Variants in LDLRAD2 observed in about 807,000 individuals in gnomAD.
LDLRAD2 encodes the protein low-density lipoprotein receptor class A domain-containing protein 2.
A neutral mutation model predicts 24.9 loss-of-function variants in LDLRAD2; 25 were observed. The observed-to-expected ratio is 1.00, with a 90% CI of 0.73 to 1.40. LDLRAD2 has a LOEUF of 1.40. Among genes scored for constraint, LDLRAD2 ranks in the 40% most tolerant of loss-of-function variants. LDLRAD2 has a pLI of 0.00. For synonymous variants in LDLRAD2, 182 were observed against 166.7 expected (o/e 1.09, Z -0.71); for missense variants, 391 against 366.2 (o/e 1.07, Z -0.55).
At position 21,825,018 on chromosome 1, in the gene LDLRAD2, A is replaced by G; in HGVS notation, c.*2803A>G. On this transcript the variant is annotated 3_prime_UTR_variant, in exon 5 of 5. Transcript: ENST00000344642. ...GAAATTGAGCAGTTCTTTCAATGAG[A>G]TGTAGGCAAGAAACCAAAGTAGCAG... 1 of 561,408 alleles carries G rather than the reference A, an allele frequency of 1.8e-6. No homozygotes were observed. Among genetic ancestry groups the G allele is most frequent in the Non-Finnish European group, 3.2e-6 (1 of 309,864 alleles). The allele number at this position is 561,408 out of a possible 1,614,324, so 34.8% of individuals were successfully genotyped here.
At position 21,821,602 on chromosome 1, in the gene LDLRAD2, G is replaced by C; in HGVS notation, c.796G>C (p.Ala266Pro). Residue 266 changes from alanine (A) to proline (P), a missense_variant, in exon 4 of 5, where the codon GCT (alanine) becomes CCT (proline). Ala to Pro is a conservative substitution (Grantham distance 27). Coordinates refer to ENST00000344642, the MANE Select transcript of LDLRAD2 (RefSeq NM_001013693.3). ...AGRDPTRQDAALEGSTE is the reference protein window; with the variant it reads ...AGRDPTRQDAPLEGSTE ...CAGGGACCCCACGAGACAAGACGCA[G>C]CTTTGGAAGGTTACACCTTGCTCCT... 6.2e-7 allele frequency: 1 copy of C among 1,613,876 alleles called. No individual in the cohort carries two copies. The highest frequency in any genetic ancestry group is 8.5e-7 in the Non-Finnish European group (1 of 1,179,892).
rs748979534 is a variant in LDLRAD2, at chr1:21,814,631, T to C, written c.319T>C (p.Cys107Arg). 3 of 1,606,546 alleles carry C rather than the reference T, an allele frequency of 1.9e-6. No homozygotes were observed. The African/African-American group carries it at 4.0e-5, about 22-fold the overall frequency. ...CTCCTCCCCGGCCCCGGCCGACCCG[T>C]GCGCCCCCGGCTCCTACCTGCAGTT... ...NTSSPAPADP[C>R]APGSYLQFYE... is the part of the protein sequence containing the mutation. Residue 107 changes from cysteine (C) to arginine (R), a missense_variant, in exon 2 of 5, where the codon TGC (cysteine) becomes CGC (arginine). Coordinates refer to ENST00000344642, the MANE Select transcript of LDLRAD2 (RefSeq NM_001013693.3).
At position 21,812,597 on chromosome 1, in the gene LDLRAD2, G is replaced by T; in HGVS notation, c.85+61G>T. The T allele has an allele frequency of 2.9e-6, 4 of 1,392,610 alleles. No homozygotes were observed. The South Asian group carries it at 3.6e-5, about 12-fold the overall frequency. The allele number at this position is 1,392,610 out of a possible 1,614,324, so 86.3% of individuals were successfully genotyped here. A position where few individuals can be genotyped will look rare whatever the true frequency, so the allele number is the denominator to read the frequency against. On this transcript the variant is annotated intron_variant, in intron 1 of 4. Coordinates refer to ENST00000344642, the MANE Select transcript of LDLRAD2 (RefSeq NM_001013693.3). ...GACTTGGGCCCCCACCATCCTTAGA[G>T]ACTATGTTTCCCCAGTCAGCACTCA...
chr1:21,817,434 C>T (rs1187892910), intron 3 of LDLRAD2, among the ~76,000 whole-genome samples: 2 of 152,140 alleles, frequency 1.3e-5, no homozygotes, highest in African/African-American at 2.4e-5. Flanking sequence ...CCTCTGCTTC[C>T]TGGGCTCAGG....
At chr1:21,820,795 T>C (rs1195228781) in intron 3 of LDLRAD2, among the ~76,000 whole-genome samples, 1 of 152,226 alleles carries the variant, frequency 6.6e-6, no homozygotes, top group Non-Finnish European at 1.5e-5. Context: ...TATGCCTCAG[T>C]TTCCTTATCT....
Position 21,822,496 on chromosome 1 carries a change from G to C in LDLRAD2, c.*281G>C, listed in dbSNP as rs1452239210. 2 of 432,178 alleles carry C rather than the reference G, an allele frequency of 4.6e-6. No homozygotes were observed. The highest frequency in any genetic ancestry group is 4.0e-5 in the African/African-American group (2 of 49,662). 26.8% of individuals were successfully genotyped at this position (432,178 alleles called of 1,614,324 possible). A position where few individuals can be genotyped will look rare whatever the true frequency, so the allele number is the denominator to read the frequency against. On this transcript the variant is annotated 3_prime_UTR_variant, in exon 5 of 5. Transcript: ENST00000344642. ...TCCTGAGCACCAGCGGCATCCGTCCGTCCGTTGTCTGTTGGAGGAGTCCCT... is the reference window on the plus strand; with the variant it reads ...TCCTGAGCACCAGCGGCATCCGTCCCTCCGTTGTCTGTTGGAGGAGTCCCT...
At chr1:21,814,942 C>G in intron 2 of LDLRAD2, 119 bp downstream of exon 2, 3 of 984,578 alleles carry the variant, frequency 3.0e-6, no homozygotes, top group Non-Finnish European at 2.7e-6. Flanking sequence ...GTGCCCGAAG[C>G]ACAAGATGGC....
At chr1:21,821,647 T>C in intron 4 of LDLRAD2, 36 bp downstream of exon 4, 1 of 1,607,144 alleles carries the variant, frequency 6.2e-7, no homozygotes, top group Non-Finnish European at 8.5e-7. Context: ...ACCAAAATCA[T>C]ACCTGTCCCT....
rs573263930 is a variant in LDLRAD2, at chr1:21,812,849, G to A, written c.85+313G>A. On this transcript the variant is annotated intron_variant, in intron 1 of 4. Transcript: ENST00000344642. ...ATTTACACACTCTGCCACTTCTTAT[G>A]TTTGTACCTTTGAGATCATTGTTTC... Among the ~76,000 whole-genome samples the A allele has an allele frequency of 9.3e-4, 141 of 152,216 alleles. 2 individuals are homozygous for A. Among genetic ancestry groups the A allele is most frequent in the African/African-American group, 3.1e-3 (129 of 41,574 alleles).
At chr1:21,821,273 G>GT (rs1349416243) in intron 3 of LDLRAD2, among the ~76,000 whole-genome samples, 177 bp from the exon 4 acceptor site, 1 of 152,198 alleles carries the variant, frequency 6.6e-6, no homozygotes, top group Non-Finnish European at 1.5e-5. Context: ...GCCAGACCAT[G>GT]TGAGTTCAAG....
At chr1:21,817,187 C>T (rs954909603) in intron 3 of LDLRAD2, among the ~76,000 whole-genome samples, 2 of 152,198 alleles carry the variant, frequency 1.3e-5, no homozygotes, top group Non-Finnish European at 2.9e-5. Flanking sequence ...CACACCTGCT[C>T]TGCCATCACC....
Position 21,821,469 on chromosome 1 carries a change from C to A in LDLRAD2, c.663C>A (p.Ser221Arg). 2 of 1,614,130 alleles carry A rather than the reference C, an allele frequency of 1.2e-6. No homozygotes were observed. Among genetic ancestry groups the A allele is most frequent in the Non-Finnish European group, 1.7e-6 (2 of 1,180,010 alleles). The stretch of plus-strand genomic sequence containing the variant: ...ATGCAGGTCCCTCTCCGGTGCCCAG[C>A]CAGACAGGAAGTACAGATGCCCATA... ...ADCRGPSPVPSQTGSTDAHTS... is the reference protein window; with the variant it reads ...ADCRGPSPVPRQTGSTDAHTS... Residue 221 changes from serine to arginine, a missense_variant, in exon 4 of 5, where the codon AGC becomes AGA. Ser to Arg is a moderately radical substitution (Grantham distance 110). Transcript: ENST00000344642.
intron 2 of LDLRAD2, 102 bp from the exon 3 acceptor site, chr1:21,815,841 C>A: frequency 7.0e-7 from 1 of 1,425,424 alleles, no homozygotes; most frequent in South Asian, 1.3e-5. Context: ...GGGCAGCTCT[C>A]TCCTGCCCAC....
intron 3 of LDLRAD2, among the ~76,000 whole-genome samples, chr1:21,820,536 A>AG (rs2097949778): frequency 6.6e-6 from 1 of 150,604 alleles, no homozygotes; most frequent in African/African-American, 2.4e-5. Context: ...AAAAAAAAAA[A>AG]AAAAAGAAAA....
chr1:21,820,614 TAGA>T (rs1426483160), intron 3 of LDLRAD2, among the ~76,000 whole-genome samples: 1 of 152,188 alleles, frequency 6.6e-6, no homozygotes, highest in Non-Finnish European at 1.5e-5. Flanking sequence ...CTATCTCCTT[TAGA>T]CATAAATTCT....
At chr1:21,813,629 T>C (rs1245878687) in intron 1 of LDLRAD2, among the ~76,000 whole-genome samples, 1 of 152,190 alleles carries the variant, frequency 6.6e-6, no homozygotes, top group Non-Finnish European at 1.5e-5. Flanking sequence ...GGGCTGTAAG[T>C]AACAGATAAC....
chr1:21,820,383 C>T (rs950798457), intron 3 of LDLRAD2, among the ~76,000 whole-genome samples: 4 of 152,000 alleles, frequency 2.6e-5, no homozygotes, highest in East Asian at 1.9e-4. Context: ...ATTAGCTGGG[C>T]GCAGTGGCGG....
At chr1:21,821,915 G>A (rs1423381838) in intron 4 of LDLRAD2, 2 of 1,417,332 alleles carry the variant, frequency 1.4e-6, no homozygotes, top group Admixed American at 2.9e-5. Flanking sequence ...CTCCCCAGGG[G>A]GCTGCAGTTG....
intron 4 of LDLRAD2, 44 bp from the exon 5 acceptor site, chr1:21,822,158 C>T: frequency 6.2e-7 from 1 of 1,614,014 alleles, no homozygotes; most frequent in Non-Finnish European, 8.5e-7. Context: ...AGCCAGCTTG[C>T]TTCACCCCCA....
Sources: allele counts gnomAD v4.1 joint callset (sites outside exome capture counted in the v4.1 genomes callset), GRCh38; gene constraint gnomAD v4.1.1; transcripts MANE v1.5; gene names NCBI Gene and HGNC (gene_info 2026-07-23, HGNC 2026-07-21).